The following ROBO2 variants were observed in gnomAD, a reference collection of about 807,000 sequenced individuals.
ROBO2 encodes roundabout guidance receptor 2.
A neutral mutation model predicts 160.8 loss-of-function variants in ROBO2; 53 were observed. That is an observed-to-expected ratio of 0.33 (90% confidence interval 0.26 to 0.41). The LOEUF is 0.41. Among genes scored for constraint, ROBO2 ranks in the 10% least tolerant of loss-of-function variants. The pLI is 1.00. For synonymous variants in ROBO2, 664 were observed against 611.7 expected (o/e 1.09, Z -1.26); for missense variants, 1,577 against 1,722.4 (o/e 0.92, Z 1.49).
chr3:76,738,404 G>T (rs1043543097), intron 2 of ROBO2, among the ~76,000 whole-genome samples: 1 of 152,140 alleles, frequency 6.6e-6, no homozygotes, highest in East Asian at 1.9e-4. Flanking sequence ...ATATTTTGTT[G>T]TGGGAGGCTT....
intron 4 of ROBO2, among the ~76,000 whole-genome samples, chr3:77,484,099 A>G (rs924268008): frequency 5.3e-5 from 8 of 152,022 alleles, no homozygotes; most frequent in African/African-American, 1.9e-4. Context: ...ATTGTGGTTG[A>G]TCTTCTAATA....
intron 2 of ROBO2, among the ~76,000 whole-genome samples, chr3:76,099,254 A>G (rs144701407): frequency 2.1e-4 from 32 of 152,232 alleles, no homozygotes; most frequent in African/African-American, 6.5e-4. Context: ...CTGTAACTTT[A>G]CTGAAGGAGT....
chr3:77,050,553 T>C (rs1416694502), intron 1 of ROBO2, among the ~76,000 whole-genome samples: 1 of 140,228 alleles, frequency 7.1e-6, no homozygotes, highest in African/African-American at 2.6e-5. Flanking sequence ...ACATTCTCAG[T>C]CTTTGCTTTT....
chr3:77,377,188 A>G (rs1021369937), intron 2 of ROBO2, among the ~76,000 whole-genome samples: 8 of 152,324 alleles, frequency 5.3e-5, no homozygotes, highest in African/African-American at 1.4e-4. Flanking sequence ...TTATTCAAAA[A>G]CATAAAATTC....
intron 2 of ROBO2, among the ~76,000 whole-genome samples, chr3:76,688,859 T>C (rs527795142): frequency 6.6e-6 from 1 of 152,124 alleles, no homozygotes; most frequent in African/African-American, 2.4e-5. Flanking sequence ...TTTCTTCTCC[T>C]TTTTTAAAAA....
intron 2 of ROBO2, among the ~76,000 whole-genome samples, chr3:77,216,598 G>A (rs1353755111): frequency 1.3e-5 from 2 of 152,082 alleles, no homozygotes; most frequent in Non-Finnish European, 2.9e-5. Context: ...CCCACTGTCC[G>A]ACATTCCCCA....
chr3:77,339,928 A>G (rs537390600), intron 2 of ROBO2, among the ~76,000 whole-genome samples: 1 of 152,216 alleles, frequency 6.6e-6, no homozygotes, highest in East Asian at 1.9e-4. Context: ...GTTGATGCAC[A>G]TCATGAATAG....
chr3:77,303,346 G>A (rs567869828), intron 2 of ROBO2, among the ~76,000 whole-genome samples: 13 of 152,222 alleles, frequency 8.5e-5, no homozygotes, highest in East Asian at 1.9e-4. Flanking sequence ...AAATGAAGCC[G>A]TACGATAAAC....
chr3:77,102,286 AGT>A (rs147086668), intron 2 of ROBO2, among the ~76,000 whole-genome samples: 1 of 151,412 alleles, frequency 6.6e-6, no homozygotes, highest in African/African-American at 2.4e-5. Context: ...AAAATTATTT[AGT>A]GTGTGTGTGT....
intron 2 of ROBO2, among the ~76,000 whole-genome samples, chr3:76,793,266 T>C (rs2063482302): frequency 6.6e-6 from 1 of 151,922 alleles, no homozygotes. Flanking sequence ...CTATTATTAA[T>C]ATTTTGTTCA....
chr3:76,940,004 C>T (rs180998834), intron 2 of ROBO2, among the ~76,000 whole-genome samples: 59 of 67,034 alleles, frequency 8.8e-4, no homozygotes, highest in Non-Finnish European at 1.2e-3. Context: ...TTTTTTGAGA[C>T]GGAGTCTCGC....
At chr3:76,183,576 A>G (rs62268954) in intron 2 of ROBO2, among the ~76,000 whole-genome samples, 49,212 of 151,904 alleles carry the variant, frequency 0.32, 9,036 homozygotes, top group Non-Finnish European at 0.41. Context: ...CATTAAACAA[A>G]GATTAAGTAA....
rs1264351933 is a variant in ROBO2 at position 76,322,197 on chromosome 3, TATATATA to T, written c.109+384601_109+384607del. On this transcript the variant is annotated intron_variant, in intron 2 of 26. Coordinates refer to the ROBO2 transcript ENST00000487694. ...ATATATATATATATATATATATATA[TATATATA>T]ATATACACACACATATATACACACA... 6.7e-3 allele frequency among the ~76,000 whole-genome samples: 725 copies of T among 108,844 alleles called. 5 individuals are homozygous for T. Among genetic ancestry groups the T allele is most frequent in the Admixed American group, 8.2e-3 (90 of 10,920 alleles). 71.4% of individuals were successfully genotyped at this position (108,844 alleles called of 152,430 possible).
intron 1 of ROBO2, among the ~76,000 whole-genome samples, chr3:77,053,478 T>G (rs1305111377): frequency 6.6e-5 from 10 of 152,140 alleles, no homozygotes; most frequent in Non-Finnish European, 2.9e-5. Context: ...CTGTTTTCAC[T>G]CTGTGGAAGT....
chr3:76,846,358 TATG>T (rs926883261), intron 2 of ROBO2, among the ~76,000 whole-genome samples: 4 of 152,120 alleles, frequency 2.6e-5, no homozygotes, highest in African/African-American at 2.4e-5. Flanking sequence ...TTGCAATGAA[TATG>T]ATATTTGGCC....
chr3:76,236,521 T>G (rs1315678691), intron 2 of ROBO2, among the ~76,000 whole-genome samples: 1 of 152,150 alleles, frequency 6.6e-6, no homozygotes, highest in Non-Finnish European at 1.5e-5. Flanking sequence ...CAAAAGCAAT[T>G]GACAAAGTTT....
intron 2 of ROBO2, among the ~76,000 whole-genome samples, chr3:77,217,144 T>C (rs1479925162): frequency 3.9e-5 from 6 of 151,996 alleles, no homozygotes; most frequent in Non-Finnish European, 1.5e-5. Flanking sequence ...TTCTTTTCTT[T>C]CCTTTTTTTC....
At chr3:76,830,635 T>G (rs1020990302) in intron 2 of ROBO2, among the ~76,000 whole-genome samples, 7 of 152,028 alleles carry the variant, frequency 4.6e-5, no homozygotes, top group African/African-American at 1.4e-4. Flanking sequence ...CATGTTGTTT[T>G]ATTTCTCCAC....
At chr3:77,362,223 G>C (rs1313748709) in intron 2 of ROBO2, among the ~76,000 whole-genome samples, 1 of 152,086 alleles carries the variant, frequency 6.6e-6, no homozygotes, top group Admixed American at 6.6e-5. Flanking sequence ...TATTGCAATA[G>C]ACATAGGGAC....
Sources: gnomAD v4.1 joint callset for allele counts (sites outside exome capture counted in the v4.1 genomes callset) on GRCh38, gnomAD v4.1.1 for gene constraint, MANE v1.5 for transcripts, NCBI Gene and HGNC (gene_info 2026-07-23, HGNC 2026-07-21) for gene names.